The following MAP3K1 variants were observed in gnomAD, a reference collection of about 807,000 sequenced individuals.
MAP3K1 encodes the protein MAP/ERK kinase kinase 1.
A neutral mutation model predicts 144.2 loss-of-function variants in MAP3K1; 36 were observed. That is an observed-to-expected ratio of 0.25 (90% CI 0.19 to 0.33). MAP3K1 has a LOEUF of 0.33. Among genes scored for constraint, MAP3K1 ranks in the 10% least tolerant of loss-of-function variants. MAP3K1 has a pLI of 1.00. For synonymous variants in MAP3K1, 718 were observed against 688.7 expected, an observed-to-expected ratio of 1.04 and a Z score of -0.67; for missense variants, 1,650 against 1,881.9, an observed-to-expected ratio of 0.88 and a Z score of 2.28.
intron 1 of MAP3K1, among the ~76,000 whole-genome samples, chr5:56,822,019 GTATT>G (rs1015446040): frequency 3.3e-5 from 5 of 151,724 alleles, no homozygotes; most frequent in East Asian, 1.9e-4. Flanking sequence ...ATATCGTTTG[GTATT>G]TATTTATTTA....
intron 17 of MAP3K1, among the ~76,000 whole-genome samples, chr5:56,886,981 T>C (rs1748396294): frequency 6.6e-6 from 1 of 152,102 alleles, no homozygotes; most frequent in African/African-American, 2.4e-5. Context: ...CAGGCTGGTC[T>C]TGAACTCCTG....
chr5:56,863,661 G>A (rs188282723), intron 3 of MAP3K1, among the ~76,000 whole-genome samples: 1 of 152,326 alleles, frequency 6.6e-6, no homozygotes, highest in African/African-American at 2.4e-5. Flanking sequence ...TTATACCTAG[G>A]AATGGAATTG....
intron 19 of MAP3K1, among the ~76,000 whole-genome samples, chr5:56,891,088 C>T (rs1208074907): frequency 6.6e-6 from 1 of 151,324 alleles, no homozygotes; most frequent in African/African-American, 2.4e-5. Context: ...TTTAGAAAAT[C>T]TTAAGTCTGT....
At chr5:56,856,031 G>A (rs760523538) in intron 1 of MAP3K1, among the ~76,000 whole-genome samples, 1 of 152,106 alleles carries the variant, frequency 6.6e-6, no homozygotes, top group Non-Finnish European at 1.5e-5. Flanking sequence ...AAGATCAAAT[G>A]TTTGTACTGG....
intron 1 of MAP3K1, among the ~76,000 whole-genome samples, chr5:56,845,133 C>T (rs1171631895): frequency 6.6e-6 from 1 of 152,178 alleles, no homozygotes; most frequent in Non-Finnish European, 1.5e-5. Flanking sequence ...TCTATAACTT[C>T]TTAAAATACA....
At chr5:56,843,755 C>T (rs1349618414) in intron 1 of MAP3K1, among the ~76,000 whole-genome samples, 3 of 152,186 alleles carry the variant, frequency 2.0e-5, no homozygotes, top group African/African-American at 7.2e-5. Context: ...ATAATCTTTT[C>T]TCCCCATATT....
At chr5:56,860,733 A>G (rs867687907) in intron 3 of MAP3K1, among the ~76,000 whole-genome samples, 7 of 151,968 alleles carry the variant, frequency 4.6e-5, no homozygotes, top group Non-Finnish European at 8.8e-5. Context: ...GATGCCTGTA[A>G]TCCCAGCTAC....
At chr5:56,881,349 G>A (rs1416715686) in intron 13 of MAP3K1, 77 bp downstream of exon 13, 4 of 1,325,816 alleles carry the variant, frequency 3.0e-6, no homozygotes, top group South Asian at 1.2e-5. Context: ...ACACATTTTA[G>A]ATTTTTGAAA....
chr5:56,867,609 C>T (rs1252096970), intron 6 of MAP3K1, among the ~76,000 whole-genome samples: 6 of 151,916 alleles, frequency 3.9e-5, no homozygotes, highest in African/African-American at 1.5e-4. Flanking sequence ...TTTTATTTAC[C>T]GAAATAATGA....
At chr5:56,868,875 C>T (rs1441240729) in intron 6 of MAP3K1, among the ~76,000 whole-genome samples, 1 of 152,078 alleles carries the variant, frequency 6.6e-6, no homozygotes, top group African/African-American at 2.4e-5. Context: ...GAATATTACT[C>T]AGCTTTACAA....
intron 1 of MAP3K1, among the ~76,000 whole-genome samples, chr5:56,828,501 A>G (rs990712929): frequency 1.3e-5 from 2 of 152,248 alleles, no homozygotes; most frequent in African/African-American, 2.4e-5. Context: ...CTGGGTAACA[A>G]CTATAAAGAG....
intron 1 of MAP3K1, among the ~76,000 whole-genome samples, chr5:56,838,011 A>T (rs1417987292): frequency 6.6e-6 from 1 of 152,218 alleles, no homozygotes; most frequent in Non-Finnish European, 1.5e-5. Context: ...AAAACTAGAT[A>T]AACTAGGGTT....
intron 1 of MAP3K1, among the ~76,000 whole-genome samples, chr5:56,854,964 A>G (rs1747293255): frequency 6.6e-6 from 1 of 152,222 alleles, no homozygotes; most frequent in Non-Finnish European, 1.5e-5. Flanking sequence ...AAGACTTGGA[A>G]GTGAATTTTT....
intron 3 of MAP3K1, 136 bp downstream of exon 3, chr5:56,860,051 G>C: frequency 6.2e-6 from 5 of 811,642 alleles, no homozygotes; most frequent in South Asian, 4.6e-5. Context: ...GATGGGGGGG[G>C]TGGTTCCTGA....
chr5:56,864,458 A>T (rs1579759504), intron 3 of MAP3K1, among the ~76,000 whole-genome samples: 2 of 150,734 alleles, frequency 1.3e-5, no homozygotes, highest in Non-Finnish European at 2.9e-5. Flanking sequence ...GCTTACTGCA[A>T]CCTCCATCCC....
intron 6 of MAP3K1, 110 bp from the exon 7 acceptor site, chr5:56,871,798 CTT>C: frequency 1.1e-6 from 1 of 941,080 alleles, no homozygotes. Flanking sequence ...ATAAGATGCT[CTT>C]AAGAATTTCT....
intron 1 of MAP3K1, among the ~76,000 whole-genome samples, chr5:56,828,205 G>T (rs1338197089): frequency 6.6e-6 from 1 of 152,060 alleles, no homozygotes; most frequent in Non-Finnish European, 1.5e-5. Flanking sequence ...CTGTTATTTT[G>T]AAATGATTTA....
intron 1 of MAP3K1, among the ~76,000 whole-genome samples, chr5:56,834,052 A>T (rs1746572413): frequency 6.6e-6 from 1 of 152,168 alleles, no homozygotes; most frequent in African/African-American, 2.4e-5. Flanking sequence ...TAGAAAGGTC[A>T]CTCAGGTAAA....
intron 7 of MAP3K1, 114 bp from the exon 8 acceptor site, chr5:56,872,527 T>TAA: frequency 1.4e-6 from 1 of 699,376 alleles, no homozygotes; most frequent in Non-Finnish European, 2.5e-6. Context: ...AACATTTAAT[T>TAA]AGATTATTTT....
Sources: gnomAD v4.1 joint callset for allele counts (sites outside exome capture counted in the v4.1 genomes callset) on GRCh38, gnomAD v4.1.1 for gene constraint, MANE v1.5 for transcripts, NCBI Gene and HGNC (gene_info 2026-07-23, HGNC 2026-07-21) for gene names.